The following RYR3 variants were observed in gnomAD, a reference collection of about 807,000 sequenced individuals.
The protein encoded by RYR3 is ryanodine receptor 3, also known as brain ryanodine receptor-calcium release channel.
In RYR3, 207 loss-of-function variants were observed where a neutral mutation model predicts 584.3. The ratio of observed to expected loss-of-function variants is 0.35; its 90% confidence interval spans 0.32 to 0.40. The LOEUF is 0.40. Ranked by LOEUF, RYR3 falls within the 10% of genes least tolerant of loss-of-function variation. The probability of loss-of-function intolerance (pLI) is 1.00; values close to 1 mark genes in which losing one functional copy is unlikely to be tolerated. For missense variants in RYR3, 5,616 were observed against 6,089.2 expected (o/e 0.92, Z 2.59); for synonymous variants, 2,416 against 2,248.5 (o/e 1.07, Z -2.11).
chr15:33,496,491 A>G (rs1010750810), intron 2 of RYR3, among the ~76,000 whole-genome samples: 1 of 152,116 alleles, frequency 6.6e-6, no homozygotes, highest in Non-Finnish European at 1.5e-5. Flanking sequence ...TTCCTCATTC[A>G]TGACATCCTC....
At chr15:33,512,264 A>G (rs1256284341) in intron 3 of RYR3, among the ~76,000 whole-genome samples, 1 of 152,234 alleles carries the variant, frequency 6.6e-6, no homozygotes, top group African/African-American at 2.4e-5. Flanking sequence ...GCTGGAATTC[A>G]TGATAAAAAT....
At chr15:33,628,835 CTGTA>C (rs2061129537) in intron 21 of RYR3, among the ~76,000 whole-genome samples, 1 of 152,188 alleles carries the variant, frequency 6.6e-6, no homozygotes, top group Non-Finnish European at 1.5e-5. Flanking sequence ...GTTGTCATCT[CTGTA>C]TGGGTAGTGA....
At chr15:33,703,057 G>A (rs1418716430) in intron 42 of RYR3, among the ~76,000 whole-genome samples, 3 of 152,126 alleles carry the variant, frequency 2.0e-5, no homozygotes, top group Non-Finnish European at 4.4e-5. Flanking sequence ...TACCACTCAC[G>A]AAGATTCTGC....
intron 2 of RYR3, among the ~76,000 whole-genome samples, chr15:33,486,334 ATTC>A (rs2050420539): frequency 6.6e-6 from 1 of 152,114 alleles, no homozygotes; most frequent in African/African-American, 2.4e-5. Context: ...AGCTTTAGGC[ATTC>A]TTTGGTTTGT....
chr15:33,386,841 A>AT (rs768236483), intron 1 of RYR3, among the ~76,000 whole-genome samples: 8 of 151,774 alleles, frequency 5.3e-5, no homozygotes, highest in Non-Finnish European at 1.0e-4. Context: ...ATGTGTCAGA[A>AT]TTTTTTTCCT....
chr15:33,477,700 C>G (rs1291486662), intron 2 of RYR3, among the ~76,000 whole-genome samples: 1 of 150,468 alleles, frequency 6.6e-6, no homozygotes, highest in African/African-American at 2.5e-5. Flanking sequence ...ACGGTGAAAC[C>G]CCATCTCTAC....
intron 1 of RYR3, among the ~76,000 whole-genome samples, chr15:33,458,517 T>TTG (rs1455406747): frequency 2.6e-5 from 4 of 152,194 alleles, no homozygotes; most frequent in Non-Finnish European, 5.9e-5. Context: ...GTGTGTATAT[T>TTG]TGTGTGTGTA....
In RYR3 at chr15:33,670,279, G is replaced by A. The variant is rs567052925; in HGVS notation, c.5723-140G>A. On this transcript the variant is annotated intron_variant, in intron 37 of 103. Coordinates refer to ENST00000634891, the MANE Select transcript of RYR3 (RefSeq NM_001036.6). ...AGCTATAAGATAGGTAACTATTCAC[G>A]AGAATAGTATCTTTAGAAAGCCTGT... is the stretch of plus-strand genomic sequence containing the variant. The A allele has an allele frequency of 2.0e-5, 17 of 830,290 alleles. No homozygotes were observed. In the South Asian group the frequency reaches 2.5e-4, roughly 12 times the overall value. 51.4% of individuals were successfully genotyped at this position (830,290 alleles called of 1,614,324 possible). A position where few individuals can be genotyped will look rare whatever the true frequency, so the allele number is the denominator to read the frequency against.
intron 20 of RYR3, 104 bp from the exon 21 acceptor site, chr15:33,628,367 T>C: frequency 1.4e-6 from 1 of 722,872 alleles, no homozygotes; most frequent in Non-Finnish European, 2.4e-6. Flanking sequence ...ATACTGCAGC[T>C]CCTCCTGGGT....
chr15:33,793,160 A>C (rs922017128), intron 67 of RYR3, among the ~76,000 whole-genome samples: 1 of 152,226 alleles, frequency 6.6e-6, no homozygotes, highest in Admixed American at 6.5e-5. Context: ...GAATCAACTC[A>C]GGAACATTCA....
chr15:33,408,486 T>A (rs2043173514), intron 1 of RYR3, among the ~76,000 whole-genome samples: 1 of 152,212 alleles, frequency 6.6e-6, no homozygotes, highest in Non-Finnish European at 1.5e-5. Flanking sequence ...GTCTTTTTAT[T>A]AGAACAATTT....
At chr15:33,725,804 A>AAAG (rs1374295535) in intron 45 of RYR3, among the ~76,000 whole-genome samples, 1 of 149,930 alleles carries the variant, frequency 6.7e-6, no homozygotes, top group African/African-American at 2.5e-5. Context: ...CTAAAAAAAA[A>AAAG]AAAAAAATAC....
chr15:33,483,398 A>G (rs2050144844), intron 2 of RYR3, among the ~76,000 whole-genome samples: 1 of 152,126 alleles, frequency 6.6e-6, no homozygotes, highest in African/African-American at 2.4e-5. Context: ...ATTGTAGATG[A>G]TATTTTATAG....
chr15:33,796,219 A>G (rs1403915126), intron 67 of RYR3, among the ~76,000 whole-genome samples: 1 of 151,830 alleles, frequency 6.6e-6, no homozygotes, highest in Non-Finnish European at 1.5e-5. Context: ...ACTGCAACCT[A>G]CACCTCCTGG....
intron 10 of RYR3, 145 bp downstream of exon 10, chr15:33,550,461 T>G (rs1008263565): frequency 2.0e-5 from 15 of 748,038 alleles, no homozygotes; most frequent in Non-Finnish European, 3.2e-5. Context: ...ACTTTCTTCT[T>G]TTATCTTTTG....
chr15:33,767,741 C>T (rs1395555284), intron 60 of RYR3, among the ~76,000 whole-genome samples: 2 of 152,138 alleles, frequency 1.3e-5, no homozygotes, highest in Non-Finnish European at 2.9e-5. Flanking sequence ...CTTTCTATTC[C>T]ACTGCTTTCT....
At chr15:33,664,589 G>GTGTGTGTGTGTATATATA (rs577496539) in intron 36 of RYR3, among the ~76,000 whole-genome samples, 2 of 91,354 alleles carry the variant, frequency 2.2e-5, no homozygotes, top group South Asian at 5.0e-4. Context: ...GTGTGTGTGT[G>GTGTGTGTGTGTATATATA]TATATATATA....
intron 1 of RYR3, among the ~76,000 whole-genome samples, chr15:33,395,202 T>C (rs1162386908): frequency 6.6e-6 from 1 of 152,250 alleles, no homozygotes; most frequent in Admixed American, 6.5e-5. Context: ...CCCGTGCTTA[T>C]AGCTGTGTAC....
At chr15:33,695,246 G>A (rs2065756461) in intron 38 of RYR3, among the ~76,000 whole-genome samples, 1 of 152,154 alleles carries the variant, frequency 6.6e-6, no homozygotes, top group African/African-American at 2.4e-5. Flanking sequence ...TGGAAGTGTG[G>A]ATGGTAAGGG....
Sources: allele counts gnomAD v4.1 joint callset (sites outside exome capture counted in the v4.1 genomes callset), GRCh38; gene constraint gnomAD v4.1.1; transcripts MANE v1.5; gene names NCBI Gene and HGNC (gene_info 2026-07-23, HGNC 2026-07-21).